Variants in WDPCP observed in about 807,000 individuals in gnomAD.
WDPCP encodes WD repeat containing planar cell polarity effector.
A neutral mutation model predicts 93.1 loss-of-function variants in WDPCP; 71 were observed. The ratio of observed to expected loss-of-function variants is 0.76; its 90% CI spans 0.63 to 0.93. WDPCP has a LOEUF of 0.93. Ranked by LOEUF, WDPCP falls within the 40% of genes least tolerant of loss-of-function variation. The probability of loss-of-function intolerance (pLI) is 0.00; values close to 1 mark genes in which losing one functional copy is unlikely to be tolerated. For missense variants in WDPCP, 844 were observed against 887.4 expected (o/e 0.95, Z 0.62); for synonymous variants, 315 against 315.0 (o/e 1.00, Z 0.00).
chr2:63,581,868 G>A (rs1452896242), intron 1 of WDPCP, among the ~76,000 whole-genome samples: 1 of 151,954 alleles, frequency 6.6e-6, no homozygotes, highest in Non-Finnish European at 1.5e-5. Context: ...AATTAGCCAG[G>A]TATGGTGGTG....
chr2:63,540,473 G>C (rs1337079270), intron 1 of WDPCP, among the ~76,000 whole-genome samples: 1 of 152,120 alleles, frequency 6.6e-6, no homozygotes, highest in East Asian at 1.9e-4. Flanking sequence ...TGACATAGAA[G>C]ACCCCCCTTA....
At chr2:63,789,604 T>C (rs1180495823) in intron 2 of WDPCP, among the ~76,000 whole-genome samples, 1 of 152,186 alleles carries the variant, frequency 6.6e-6, no homozygotes, top group Non-Finnish European at 1.5e-5. Context: ...GAAGCCGAGA[T>C]AGCAAAGGCA....
chr2:63,579,242 A>T (rs1436319640), intron 1 of WDPCP, among the ~76,000 whole-genome samples: 1 of 152,236 alleles, frequency 6.6e-6, no homozygotes, highest in Admixed American at 6.5e-5. Flanking sequence ...GTTAAATAAA[A>T]GATGCTAAAT....
chr2:63,331,074 A>G (rs1575159084), intron 12 of WDPCP, among the ~76,000 whole-genome samples: 1 of 152,186 alleles, frequency 6.6e-6, no homozygotes, highest in East Asian at 1.9e-4. Context: ...CTGTTGTCCA[A>G]GCTGATCTTC....
At chr2:63,416,016 G>C (rs891916973) in intron 9 of WDPCP, among the ~76,000 whole-genome samples, 1 of 152,006 alleles carries the variant, frequency 6.6e-6, no homozygotes, top group African/African-American at 2.4e-5. Flanking sequence ...TAAAAATAAA[G>C]ATAATGCTTT....
chr2:63,578,466 G>C (rs918332304), intron 1 of WDPCP, among the ~76,000 whole-genome samples: 1 of 152,074 alleles, frequency 6.6e-6, no homozygotes, highest in African/African-American at 2.4e-5. Flanking sequence ...CTACCACAAG[G>C]GGAGCCACAA....
intron 2 of WDPCP, among the ~76,000 whole-genome samples, chr2:63,660,079 A>C (rs1390062597): frequency 6.6e-6 from 1 of 152,200 alleles, no homozygotes; most frequent in Non-Finnish European, 1.5e-5. Flanking sequence ...AAGAGTTCTG[A>C]TTCCCAAAGG....
intron 9 of WDPCP, among the ~76,000 whole-genome samples, chr2:63,419,321 TA>T (rs112676912): frequency 0.39 from 59,010 of 151,836 alleles, 11,753 homozygotes; most frequent in Non-Finnish European, 0.42. Flanking sequence ...TTTGTATTTT[TA>T]GTAAAGACGG....
chr2:63,611,146 A>G (rs1709609699), intron 3 of WDPCP, among the ~76,000 whole-genome samples: 1 of 152,182 alleles, frequency 6.6e-6, no homozygotes, highest in South Asian at 2.1e-4. Context: ...CACCCCATTC[A>G]TTTTTAAAGT....
At chr2:63,817,438 C>T (rs1670953474) in intron 1 of WDPCP, among the ~76,000 whole-genome samples, 1 of 152,134 alleles carries the variant, frequency 6.6e-6, no homozygotes, top group African/African-American at 2.4e-5. Flanking sequence ...CTGTAAATTA[C>T]AACTTAATTT....
chr2:63,191,020 A>G (rs1490224556), intron 14 of WDPCP, among the ~76,000 whole-genome samples: 2 of 152,250 alleles, frequency 1.3e-5, no homozygotes, highest in African/African-American at 4.8e-5. Context: ...CTGGGAGTCC[A>G]TGTGCCAAAT....
intron 3 of WDPCP, among the ~76,000 whole-genome samples, 172 bp from the exon 4 acceptor site, chr2:63,486,758 T>C (rs1031607735): frequency 6.6e-6 from 1 of 151,972 alleles, no homozygotes; most frequent in Non-Finnish European, 1.5e-5. Flanking sequence ...AAAAATGCCA[T>C]AATTTGGATG....
chr2:63,284,120 T>G (rs938285847), intron 13 of WDPCP, among the ~76,000 whole-genome samples: 1 of 152,122 alleles, frequency 6.6e-6, no homozygotes, highest in Non-Finnish European at 1.5e-5. Flanking sequence ...AAAAACAGTT[T>G]CAATGTATTA....
At chr2:63,491,227 C>T (rs770494607) in intron 2 of WDPCP, among the ~76,000 whole-genome samples, 2 of 152,104 alleles carry the variant, frequency 1.3e-5, no homozygotes, top group Non-Finnish European at 2.9e-5. Flanking sequence ...CCCCTTCCTA[C>T]ATTATCTCTG....
intron 14 of WDPCP, among the ~76,000 whole-genome samples, chr2:63,211,788 C>A (rs748819918): frequency 5.3e-5 from 8 of 152,108 alleles, no homozygotes; most frequent in Non-Finnish European, 7.3e-5. Flanking sequence ...CCTGATGGAG[C>A]TGAAAACCAT....
At chr2:63,571,530 T>C (rs762085022) in intron 1 of WDPCP, 101 of 470,614 alleles carry the variant, frequency 2.1e-4, no homozygotes, top group Non-Finnish European at 2.2e-4. Context: ...TTTCCAAGTA[T>C]AGACTTCCTT....
At chr2:63,478,893 C>A (rs183196589) in intron 6 of WDPCP, among the ~76,000 whole-genome samples, 6 of 151,760 alleles carry the variant, frequency 4.0e-5, no homozygotes. Context: ...ACGATAAATG[C>A]AACAAAAAGC....
At chr2:63,448,904 TAGAC>T (rs900053621) in intron 6 of WDPCP, among the ~76,000 whole-genome samples, 3 of 152,100 alleles carry the variant, frequency 2.0e-5, no homozygotes, top group African/African-American at 7.2e-5. Context: ...AAGTTTTTGT[TAGAC>T]AGGAGAAATA....
At chr2:63,468,335 C>T (rs1699485312) in intron 6 of WDPCP, among the ~76,000 whole-genome samples, 1 of 152,156 alleles carries the variant, frequency 6.6e-6, no homozygotes, top group Non-Finnish European at 1.5e-5. Context: ...CAAACTGACA[C>T]TGAGCATGAT....
Sources: allele counts gnomAD v4.1 joint callset (sites outside exome capture counted in the v4.1 genomes callset), GRCh38; gene constraint gnomAD v4.1.1; transcripts MANE v1.5; gene names NCBI Gene and HGNC (gene_info 2026-07-23, HGNC 2026-07-21).